Variants in EPHA3 observed in about 807,000 individuals in gnomAD.
EPHA3 encodes the protein EPH receptor A3, also known as ephrin type-A receptor 3.
In EPHA3, 42 loss-of-function variants were observed where a neutral mutation model predicts 107.1. The ratio of observed to expected loss-of-function variants is 0.39; its 90% confidence interval spans 0.31 to 0.51. The LOEUF (loss-of-function observed/expected upper bound fraction) is 0.51, where lower values mean the gene tolerates loss of function less well. Ranked by LOEUF, EPHA3 falls within the 20% of genes least tolerant of loss-of-function variation. The probability of loss-of-function intolerance (pLI) is 0.78; values close to 1 mark genes in which losing one functional copy is unlikely to be tolerated. For synonymous variants in EPHA3, 461 were observed against 424.8 expected (o/e 1.09, Z -1.05); for missense variants, 1,183 against 1,211.2 (o/e 0.98, Z 0.35).
intron 3 of EPHA3, among the ~76,000 whole-genome samples, chr3:89,333,241 A>G (rs1219717111): frequency 6.6e-6 from 1 of 152,020 alleles, no homozygotes; most frequent in Non-Finnish European, 1.5e-5. Context: ...GCAGTTTGCT[A>G]TTTTACCCCC....
At chr3:89,154,657 T>C (rs2107053918) in intron 2 of EPHA3, among the ~76,000 whole-genome samples, 1 of 151,714 alleles carries the variant, frequency 6.6e-6, no homozygotes, top group East Asian at 1.9e-4. Flanking sequence ...TGTAAACAAC[T>C]CACTCTATCA....
intron 3 of EPHA3, among the ~76,000 whole-genome samples, chr3:89,223,476 G>A (rs1161516180): frequency 2.6e-5 from 4 of 152,146 alleles, no homozygotes; most frequent in East Asian, 1.9e-4. Context: ...TTGGCTAGTC[G>A]CCAGGCTCAT....
At chr3:89,231,582 C>T (rs1188420378) in intron 3 of EPHA3, among the ~76,000 whole-genome samples, 5 of 152,078 alleles carry the variant, frequency 3.3e-5, no homozygotes, top group African/African-American at 7.2e-5. Context: ...AAACATCATG[C>T]AGATGGATAA....
intron 5 of EPHA3, among the ~76,000 whole-genome samples, chr3:89,381,514 C>G (rs1218042403): frequency 6.6e-6 from 1 of 151,758 alleles, no homozygotes; most frequent in Non-Finnish European, 1.5e-5. Flanking sequence ...ACTCAAAATA[C>G]AAAAATTAGC....
At chr3:89,237,101 C>A (rs1356190076) in intron 3 of EPHA3, among the ~76,000 whole-genome samples, 1 of 152,210 alleles carries the variant, frequency 6.6e-6, no homozygotes, top group Non-Finnish European at 1.5e-5. Context: ...GTGACTCATG[C>A]CTGTAATCCC....
intron 3 of EPHA3, among the ~76,000 whole-genome samples, chr3:89,229,985 C>G (rs375628959): frequency 9.2e-5 from 14 of 151,892 alleles, no homozygotes; most frequent in Non-Finnish European, 1.8e-4. Context: ...TGTTTACACT[C>G]GAGGAAACAT....
At chr3:89,219,865 C>T (rs112272175) in intron 3 of EPHA3, among the ~76,000 whole-genome samples, 18,403 of 147,348 alleles carry the variant, frequency 0.12, 1,138 homozygotes, top group Admixed American at 0.15. Context: ...CCCGCCACTA[C>T]GCCCGGCTAA....
At chr3:89,437,092 T>C (rs1414722008) in intron 13 of EPHA3, among the ~76,000 whole-genome samples, 5 of 152,158 alleles carry the variant, frequency 3.3e-5, no homozygotes, top group Non-Finnish European at 5.9e-5. Flanking sequence ...ATTATGAAAA[T>C]AGTTTCTATC....
At chr3:89,158,112 A>G (rs952030348) in intron 2 of EPHA3, among the ~76,000 whole-genome samples, 16 of 152,162 alleles carry the variant, frequency 1.1e-4, no homozygotes, top group Non-Finnish European at 2.1e-4. Context: ...AGATAACACA[A>G]TGGGACACAT....
At chr3:89,406,880 T>C (rs1297392334) in intron 7 of EPHA3, among the ~76,000 whole-genome samples, 1 of 152,168 alleles carries the variant, frequency 6.6e-6, no homozygotes, top group South Asian at 2.1e-4. Context: ...AGAAAGCTTT[T>C]TATAATTGTA....
At chr3:89,247,046 T>C (rs1448455324) in intron 3 of EPHA3, among the ~76,000 whole-genome samples, 2 of 152,158 alleles carry the variant, frequency 1.3e-5, no homozygotes, top group African/African-American at 4.8e-5. Context: ...ATTCAACGAG[T>C]ACTTCTTGAG....
chr3:89,273,705 C>A (rs1446195726), intron 3 of EPHA3, among the ~76,000 whole-genome samples: 1 of 151,096 alleles, frequency 6.6e-6, no homozygotes, highest in East Asian at 1.9e-4. Flanking sequence ...ATCAAATGAT[C>A]AATACATAGT....
chr3:89,226,065 T>C (rs1039140123), intron 3 of EPHA3, among the ~76,000 whole-genome samples: 1 of 152,274 alleles, frequency 6.6e-6, no homozygotes, highest in African/African-American at 2.4e-5. Context: ...CAAATTGTTA[T>C]ATAATATATT....
At chr3:89,355,778 A>C (rs1293684950) in intron 5 of EPHA3, among the ~76,000 whole-genome samples, 1 of 150,068 alleles carries the variant, frequency 6.7e-6, no homozygotes, top group Non-Finnish European at 1.5e-5. Flanking sequence ...TGTCTGGGGG[A>C]AATAGAAACT....
intron 3 of EPHA3, among the ~76,000 whole-genome samples, chr3:89,245,656 G>C (rs1705014636): frequency 6.6e-6 from 1 of 152,190 alleles, no homozygotes; most frequent in Admixed American, 6.5e-5. Context: ...AGATTAATTT[G>C]TAACACTTTC....
intron 3 of EPHA3, among the ~76,000 whole-genome samples, chr3:89,313,408 C>CT (rs2107365331): frequency 6.6e-6 from 1 of 151,960 alleles, no homozygotes; most frequent in South Asian, 2.1e-4. Flanking sequence ...ATGTTTCGTT[C>CT]TTCTGTTTTT....
At chr3:89,230,805 CCCT>C (rs879875215) in intron 3 of EPHA3, among the ~76,000 whole-genome samples, 100 of 138,710 alleles carry the variant, frequency 7.2e-4, no homozygotes, top group Middle Eastern at 3.6e-3. Flanking sequence ...CTCTCTCTCT[CCCT>C]CTCTCTCTCT....
chr3:89,117,156 A>G (rs71322855), intron 1 of EPHA3, among the ~76,000 whole-genome samples: 17,146 of 152,096 alleles, frequency 0.11, 1,001 homozygotes, highest in Middle Eastern at 0.18. Context: ...GATTTTTAAT[A>G]CATTCATTTT....
chr3:89,202,649 T>G (rs1706001253), intron 2 of EPHA3, among the ~76,000 whole-genome samples: 1 of 151,462 alleles, frequency 6.6e-6, no homozygotes, highest in Non-Finnish European at 1.5e-5. Context: ...CCATGTAAAA[T>G]TGAATAAAAC....
Sources: gnomAD v4.1 joint callset for allele counts (sites outside exome capture counted in the v4.1 genomes callset) on GRCh38, gnomAD v4.1.1 for gene constraint, MANE v1.5 for transcripts, NCBI Gene and HGNC (gene_info 2026-07-23, HGNC 2026-07-21) for gene names.